The following BCKDHB variants were observed in gnomAD, a reference collection of about 807,000 sequenced individuals.
The protein encoded by BCKDHB is branched chain keto acid dehydrogenase E1 subunit beta.
Under a neutral mutation model 48.5 loss-of-function variants are expected in BCKDHB, and 41 were observed. The ratio of observed to expected loss-of-function variants is 0.85; its 90% CI spans 0.66 to 1.10. BCKDHB has a LOEUF of 1.10. Among genes scored for constraint, BCKDHB ranks in the 50% least tolerant of loss-of-function variants. BCKDHB has a pLI of 0.00. For missense variants in BCKDHB, 496 were observed against 494.2 expected (o/e 1.00, Z -0.03); for synonymous variants, 201 against 174.8 (o/e 1.15, Z -1.18).
chr6:80,283,469 A>G (rs969469497), intron 9 of BCKDHB, among the ~76,000 whole-genome samples: 15 of 152,104 alleles, frequency 9.9e-5, no homozygotes, highest in African/African-American at 3.6e-4. Context: ...ATTCATACCA[A>G]GCTCCTCTAC....
At chr6:80,302,425 A>G (rs1014748142) in intron 9 of BCKDHB, among the ~76,000 whole-genome samples, 1 of 152,242 alleles carries the variant, frequency 6.6e-6, no homozygotes, top group Middle Eastern at 3.4e-3. Flanking sequence ...AATTTTTGCA[A>G]TGATGTTGTG....
intron 8 of BCKDHB, among the ~76,000 whole-genome samples, chr6:80,261,146 C>T (rs1777283653): frequency 6.6e-6 from 1 of 152,188 alleles, no homozygotes; most frequent in African/African-American, 2.4e-5. Context: ...TCTTTGCAGT[C>T]TGTGATTTGT....
the BCKDHB span, among the ~76,000 whole-genome samples, chr6:80,458,622 C>T: frequency 6.6e-6 from 1 of 152,144 alleles, no homozygotes; most frequent in Non-Finnish European, 1.5e-5. Flanking sequence ...AATAGAAATC[C>T]CTCATGGAGT....
At chr6:80,246,393 T>C (rs776261152) in intron 8 of BCKDHB, among the ~76,000 whole-genome samples, 2 of 152,178 alleles carry the variant, frequency 1.3e-5, no homozygotes, top group Admixed American at 6.5e-5. Flanking sequence ...TATACAACAA[T>C]TGGGGCATCT....
At chr6:80,300,019 A>G (rs61562479) in intron 9 of BCKDHB, among the ~76,000 whole-genome samples, 7,743 of 152,142 alleles carry the variant, frequency 0.051, 296 homozygotes, top group South Asian at 0.2. Flanking sequence ...CTATCATGCA[A>G]ACGGAAAACA....
At chr6:80,443,459 C>T in the BCKDHB span, 1 of 151,990 alleles carries the variant, frequency 6.6e-6, no homozygotes, top group Non-Finnish European at 1.5e-5. Flanking sequence ...GGGCAAGAAA[C>T]ATGAGGATGA....
At chr6:80,209,270 C>T (rs1268152158) in intron 8 of BCKDHB, among the ~76,000 whole-genome samples, 2 of 151,746 alleles carry the variant, frequency 1.3e-5, no homozygotes, top group Non-Finnish European at 2.9e-5. Context: ...GGAAAAATTT[C>T]GTGATACGTA....
intron 8 of BCKDHB, among the ~76,000 whole-genome samples, chr6:80,208,832 A>G (rs142584221): frequency 2.6e-4 from 39 of 151,994 alleles, no homozygotes; most frequent in African/African-American, 8.4e-4. Flanking sequence ...TTATTGGTGA[A>G]TTCTCTAAAA....
chr6:80,292,183 G>C (rs899209350), intron 9 of BCKDHB, among the ~76,000 whole-genome samples: 1 of 152,146 alleles, frequency 6.6e-6, no homozygotes. Context: ...TCTTTTATTG[G>C]CTCTATAAGT....
chr6:80,362,437 A>G, the BCKDHB span, among the ~76,000 whole-genome samples: 2 of 152,180 alleles, frequency 1.3e-5, no homozygotes, highest in Non-Finnish European at 2.9e-5. Flanking sequence ...TCAGAAGTTG[A>G]TAGCACTGAT....
intron 6 of BCKDHB, 56 bp from the exon 7 acceptor site, chr6:80,200,878 C>T: frequency 7.5e-7 from 1 of 1,341,518 alleles, no homozygotes; most frequent in Non-Finnish European, 1.1e-6. Flanking sequence ...TTATTTTATG[C>T]ACAAGTGTCA....
At chr6:80,311,015 G>C (rs570753146) in intron 9 of BCKDHB, among the ~76,000 whole-genome samples, 35 of 152,184 alleles carry the variant, frequency 2.3e-4, no homozygotes, top group African/African-American at 5.8e-4. Flanking sequence ...TTCAGATGGT[G>C]ATATGGTTTG....
chr6:80,252,518 C>G (rs977323821), intron 8 of BCKDHB, among the ~76,000 whole-genome samples: 3 of 152,042 alleles, frequency 2.0e-5, no homozygotes, highest in Admixed American at 1.3e-4. Context: ...AATAGCTTTT[C>G]CAAACTTAAT....
chr6:80,374,568 A>T, the BCKDHB span: 2 of 669,168 alleles, frequency 3.0e-6, no homozygotes, highest in Non-Finnish European at 2.8e-6. Context: ...ATAGGGCACC[A>T]TTTTCACAGA....
At chr6:80,443,447 T>C in the BCKDHB span, 1 of 152,078 alleles carries the variant, frequency 6.6e-6, no homozygotes, top group African/African-American at 2.4e-5. Flanking sequence ...CCATTGTCCA[T>C]GGGGCAAGAA....
chr6:80,170,497 C>T (rs1009407389), intron 5 of BCKDHB, among the ~76,000 whole-genome samples: 1 of 152,156 alleles, frequency 6.6e-6, no homozygotes, highest in Admixed American at 6.5e-5. Context: ...TTTGATCAAG[C>T]AAGTCGTGTG....
the BCKDHB span, among the ~76,000 whole-genome samples, chr6:80,420,693 C>G: frequency 1.6e-3 from 242 of 152,244 alleles, no homozygotes; most frequent in South Asian, 2.9e-3. Flanking sequence ...GAGCATTGTG[C>G]AGGTTGCTAT....
At chr6:80,268,124 A>G (rs1341488054) in intron 8 of BCKDHB, among the ~76,000 whole-genome samples, 2 of 152,048 alleles carry the variant, frequency 1.3e-5, no homozygotes, top group South Asian at 2.1e-4. Context: ...CTGATTAACA[A>G]ATTACTAGGC....
intron 6 of BCKDHB, among the ~76,000 whole-genome samples, chr6:80,173,277 T>C (rs1328798745): frequency 6.6e-6 from 1 of 152,100 alleles, no homozygotes; most frequent in Non-Finnish European, 1.5e-5. Context: ...TCCAGAAATT[T>C]CCCCATGCTT....
Sources: gnomAD v4.1 joint callset for allele counts (sites outside exome capture counted in the v4.1 genomes callset) on GRCh38, gnomAD v4.1.1 for gene constraint, MANE v1.5 for transcripts, NCBI Gene and HGNC (gene_info 2026-07-23, HGNC 2026-07-21) for gene names.